Variants in UGT2A1 observed in about 807,000 individuals in gnomAD.
UGT2A1 encodes UDP glucuronosyltransferase family 2 member A1 complex locus, also known as UDP-glucuronosyltransferase 2A1.
In UGT2A1, 61 loss-of-function variants were observed where a neutral mutation model predicts 45.4. That is an observed-to-expected ratio of 1.34 (90% CI 1.09 to 1.66). UGT2A1 has a LOEUF of 1.66. Ranked by LOEUF, UGT2A1 falls within the 40% of genes most tolerant of loss-of-function variation. The pLI is 0.00. For missense variants in UGT2A1, 649 were observed against 574.3 expected (o/e 1.13, Z -1.33); for synonymous variants, 229 against 196.2 (o/e 1.17, Z -1.40).
chr4:69,606,035 G>T (rs62306500), intron 3 of UGT2A1, among the ~76,000 whole-genome samples: 24,988 of 135,604 alleles, frequency 0.18, 6,063 homozygotes, highest in Non-Finnish European at 0.22. Context: ...ACTATTCCAA[G>T]CAATAGAAAA....
At chr4:69,646,336 A>T (rs1722257262) in intron 2 of UGT2A1, among the ~76,000 whole-genome samples, 1 of 151,902 alleles carries the variant, frequency 6.6e-6, no homozygotes, top group South Asian at 2.1e-4. Flanking sequence ...CATTGATTAT[A>T]TTGTATTCAT....
chr4:69,593,742 T>A (rs113764895), intron 6 of UGT2A1, among the ~76,000 whole-genome samples: 287 of 151,960 alleles, frequency 1.9e-3, no homozygotes, highest in African/African-American at 6.6e-3. Context: ...TGTATACATA[T>A]ACTAATTAAA....
chr4:69,597,056 C>T (rs1376652537), intron 4 of UGT2A1, among the ~76,000 whole-genome samples: 2 of 152,142 alleles, frequency 1.3e-5, no homozygotes, highest in African/African-American at 4.8e-5. Flanking sequence ...ACAAAGGATA[C>T]TGAGCTAGGC....
chr4:69,588,774 T>C lies in UGT2A1; in HGVS notation c.*598A>G, dbSNP rs1718403544. On this transcript the variant is annotated 3_prime_UTR_variant, in exon 7 of 7. Coordinates refer to ENST00000286604, the MANE Select transcript of UGT2A1 (RefSeq NM_001252275.3). ...GCAAGTTATGCCGTGATTTTCTAGATATGCTTAATGAAAATTTTGTAGACA... is the reference window on the plus strand; with the variant it reads ...GCAAGTTATGCCGTGATTTTCTAGACATGCTTAATGAAAATTTTGTAGACA... 1 of 152,128 alleles carries C rather than the reference T, an allele frequency of 6.6e-6. No homozygotes were observed. Among genetic ancestry groups the C allele is most frequent in the Non-Finnish European group, 1.5e-5 (1 of 68,036 alleles). The allele number at this position is 152,128 out of a possible 1,614,324, so 9.4% of individuals were successfully genotyped here.
At chr4:69,645,050 A>G (rs1176876033) in intron 2 of UGT2A1, among the ~76,000 whole-genome samples, 1 of 151,676 alleles carries the variant, frequency 6.6e-6, no homozygotes, top group African/African-American at 2.4e-5. Flanking sequence ...AATTATTTTT[A>G]ATAGCATTTA....
intron 2 of UGT2A1, among the ~76,000 whole-genome samples, chr4:69,643,670 T>A (rs1367718630): frequency 1.3e-5 from 2 of 151,588 alleles, no homozygotes; most frequent in African/African-American, 2.4e-5. Flanking sequence ...ATACCCAATT[T>A]CTACCAATTA....
chr4:69,594,872 G>A (rs1247382667), intron 5 of UGT2A1, among the ~76,000 whole-genome samples, 176 bp from the exon 6 acceptor site: 2 of 152,140 alleles, frequency 1.3e-5, no homozygotes, highest in African/African-American at 2.4e-5. Flanking sequence ...AGGAAAAGCA[G>A]TAATTAACAG....
intron 2 of UGT2A1, among the ~76,000 whole-genome samples, chr4:69,646,027 CATA>C (rs1201631989): frequency 6.6e-6 from 1 of 151,794 alleles, no homozygotes; most frequent in Non-Finnish European, 1.5e-5. Flanking sequence ...CTGTCTGTCG[CATA>C]ATACCTAACT....
intron 6 of UGT2A1, among the ~76,000 whole-genome samples, chr4:69,592,957 T>C (rs1326834937): frequency 6.6e-6 from 1 of 152,100 alleles, no homozygotes; most frequent in East Asian, 1.9e-4. Context: ...AAAAAGTAAC[T>C]ATTTCTTTTT....
intron 1 of UGT2A1, among the ~76,000 whole-genome samples, chr4:69,650,183 C>T (rs188376500): frequency 1.3e-5 from 2 of 152,200 alleles, no homozygotes; most frequent in African/African-American, 4.8e-5. Flanking sequence ...ACAAAGAACT[C>T]TTGAGTAATA....
intron 3 of UGT2A1, among the ~76,000 whole-genome samples, chr4:69,628,913 T>G (rs10022954): frequency 0.046 from 6,998 of 151,724 alleles, 196 homozygotes; most frequent in Middle Eastern, 0.075. Context: ...CTGAGAGAGA[T>G]AATCTTTCAA....
chr4:69,626,391 C>T (rs539691759), intron 3 of UGT2A1, among the ~76,000 whole-genome samples: 17 of 151,382 alleles, frequency 1.1e-4, no homozygotes, highest in African/African-American at 2.2e-4. Context: ...TTTTTATATA[C>T]GTATGTATAC....
chr4:69,603,828 T>G (rs1036745307), intron 3 of UGT2A1, among the ~76,000 whole-genome samples: 2 of 135,830 alleles, frequency 1.5e-5, no homozygotes, highest in Admixed American at 7.3e-5. Flanking sequence ...TGATGGAAGA[T>G]CAAATGAATG....
At chr4:69,645,480 G>A (rs1301906713) in intron 2 of UGT2A1, among the ~76,000 whole-genome samples, 1 of 151,754 alleles carries the variant, frequency 6.6e-6, no homozygotes, top group Non-Finnish European at 1.5e-5. Flanking sequence ...AGACTGCTAT[G>A]TGGATGTTGC....
chr4:69,639,646 T>C (rs1560494414), intron 2 of UGT2A1: 1 of 1,548,318 alleles, frequency 6.5e-7, no homozygotes, highest in East Asian at 2.3e-5. Flanking sequence ...ACCATCCTAC[T>C]GTAGATCCTT....
rs1431750424 is a variant in UGT2A1, at chr4:69,606,191, C to T, written c.848-6797G>A. Among the ~76,000 whole-genome samples the T allele has an allele frequency of 1.5e-5, 2 of 135,964 alleles. 1 individual carries two copies. The highest frequency in any genetic ancestry group is 3.1e-5 in the Non-Finnish European group (2 of 64,080). 89.2% of individuals were successfully genotyped at this position (135,964 alleles called of 152,430 possible). On this transcript the variant is annotated intron_variant, in intron 3 of 6. Coordinates refer to ENST00000286604, the MANE Select transcript of UGT2A1 (RefSeq NM_001252275.3). ...AATCCTCAATAAAATACTGGCAAAC[C>T]AAATCCAGCGGCACATCAAAAAGCT...
At chr4:69,651,607 G>A (rs1373172111) in intron 1 of UGT2A1, among the ~76,000 whole-genome samples, 1 of 152,192 alleles carries the variant, frequency 6.6e-6, no homozygotes, top group Non-Finnish European at 1.5e-5. Flanking sequence ...ACAGTTCCAT[G>A]ATTATCACAC....
chr4:69,596,265 G>A (rs1174626122), intron 4 of UGT2A1: 1 of 1,590,830 alleles, frequency 6.3e-7, no homozygotes, highest in South Asian at 1.1e-5. Flanking sequence ...GTGGAATCTG[G>A]GCAAGGGCTG....
At chr4:69,590,377 A>G (rs13149874) in intron 6 of UGT2A1, among the ~76,000 whole-genome samples, 1 of 152,212 alleles carries the variant, frequency 6.6e-6, no homozygotes, top group Non-Finnish European at 1.5e-5. Context: ...GTGGATATCT[A>G]CATATTTAAA....
Sources: allele counts gnomAD v4.1 joint callset (sites outside exome capture counted in the v4.1 genomes callset), GRCh38; gene constraint gnomAD v4.1.1; transcripts MANE v1.5; gene names NCBI Gene and HGNC (gene_info 2026-07-23, HGNC 2026-07-21).